TMEM165: variants seen among roughly 807,000 people sequenced by gnomAD.
TMEM165 encodes transmembrane protein 165.
TMEM165 carries 19 observed loss-of-function variants against 30.0 expected under a neutral mutation model. The observed-to-expected ratio is 0.63, with a 90% CI of 0.44 to 0.93. The LOEUF is 0.93. Ranked by LOEUF, TMEM165 falls within the 40% of genes least tolerant of loss-of-function variation. The pLI, the probability that TMEM165 is intolerant of heterozygous loss-of-function variation, is 0.00. For synonymous variants in TMEM165, 168 were observed against 162.9 expected, an observed-to-expected ratio of 1.03 and a Z score of -0.24; for missense variants, 340 against 417.0, an observed-to-expected ratio of 0.82 and a Z score of 1.61.
intron 1 of TMEM165, among the ~76,000 whole-genome samples, chr4:55,398,486 GTCTTACTC>G (rs2109514255): frequency 6.6e-6 from 1 of 152,334 alleles, no homozygotes; most frequent in South Asian, 2.1e-4. Flanking sequence ...CATTCATTGT[GTCTTACTC>G]TTTTGACTTA....
At chr4:55,411,116 CAG>C (rs1231850548) in intron 1 of TMEM165, among the ~76,000 whole-genome samples, 1 of 138,494 alleles carries the variant, frequency 7.2e-6, no homozygotes, top group Non-Finnish European at 1.5e-5. Context: ...GCCTGAGTGA[CAG>C]AGTGAGATTT....
chr4:55,428,640 T>G (rs548775205), downstream of TMEM165: 3 of 152,298 alleles, frequency 2.0e-5, no homozygotes, highest in East Asian at 5.8e-4. Flanking sequence ...TACATCTACT[T>G]TTTAATTTAA....
At chr4:55,409,212 G>T (rs1244053821) in intron 1 of TMEM165, among the ~76,000 whole-genome samples, 5 of 152,144 alleles carry the variant, frequency 3.3e-5, no homozygotes, top group Non-Finnish European at 7.3e-5. Context: ...CCAGTATTTA[G>T]CTCAGAGGTC....
In TMEM165 at chr4:55,396,117, G is replaced by GT. The variant is rs1332922361; in HGVS notation, c.-71dup. On this transcript the variant is annotated 5_prime_UTR_variant, in exon 1 of 6. Coordinates refer to ENST00000381334, the MANE Select transcript of TMEM165 (RefSeq NM_018475.5). ...GTCGTGAGGACGCGCCGCGGAGGCT[G>GT]TTCGGGGTCGAGGCTTCCCGTCGCC... 4.0e-6 allele frequency: 5 copies of GT among 1,250,634 alleles called. No individual in the cohort carries two copies. The Admixed American group carries it at 1.7e-4, about 43-fold the overall frequency. The allele number at this position is 1,250,634 out of a possible 1,614,324, so 77.5% of individuals were successfully genotyped here.
intron 1 of TMEM165, among the ~76,000 whole-genome samples, chr4:55,397,820 C>T (rs1171550624): frequency 6.6e-6 from 1 of 152,062 alleles, no homozygotes; most frequent in Non-Finnish European, 1.5e-5. Context: ...CGTCTTGGCT[C>T]ACTGCAACCT....
At chr4:55,442,422 T>A (rs763558900) in intron 3 of TMEM165, 3 of 1,604,160 alleles carry the variant, frequency 1.9e-6, no homozygotes, top group Non-Finnish European at 2.6e-6. Context: ...AAATGAAATA[T>A]GACAACTACC....
intron 3 of TMEM165, chr4:55,438,498 A>C (rs766045492): frequency 1.2e-6 from 2 of 1,613,800 alleles, no homozygotes; most frequent in South Asian, 2.2e-5. Flanking sequence ...CTACAGGAGC[A>C]GTCACTAATT....
intron 2 of TMEM165, 86 bp from the exon 3 acceptor site, chr4:55,416,986 G>C: frequency 8.2e-7 from 1 of 1,219,078 alleles, no homozygotes; most frequent in South Asian, 1.6e-5. Flanking sequence ...TCTTTTAACA[G>C]TGATAAATTA....
chr4:55,421,297 C>CTTTTTT (rs766025971), intron 4 of TMEM165, among the ~76,000 whole-genome samples: 26 of 105,864 alleles, frequency 2.5e-4, no homozygotes, highest in Non-Finnish European at 3.3e-4. Context: ...TTCTTTCTTT[C>CTTTTTT]TTTTTTTTTT....
At chr4:55,449,459 T>C (rs779984553) in intron 3 of TMEM165, 21 of 1,613,926 alleles carry the variant, frequency 1.3e-5, no homozygotes, top group African/African-American at 2.7e-5. Flanking sequence ...GCTGCCTGGG[T>C]GGAGTGCTCG....
chr4:55,430,539 C>T (rs1411843955), downstream of TMEM165: 4 of 152,186 alleles, frequency 2.6e-5, no homozygotes, highest in African/African-American at 9.7e-5. Flanking sequence ...AGTGTTTCCA[C>T]AGGAGACATT....
intron 3 of TMEM165, among the ~76,000 whole-genome samples, chr4:55,448,185 A>T (rs1043324048): frequency 2.6e-5 from 4 of 152,214 alleles, no homozygotes; most frequent in Admixed American, 6.5e-5. Flanking sequence ...CATTCCCTCT[A>T]GATGTAATGG....
At chr4:55,398,907 T>C (rs998251288) in intron 1 of TMEM165, 1 of 150,490 alleles carries the variant, frequency 6.6e-6, no homozygotes, top group African/African-American at 2.4e-5. Flanking sequence ...CGATTTTTAA[T>C]AGTGTCTATC....
At chr4:55,400,178 A>G (rs1720894163) in intron 1 of TMEM165, among the ~76,000 whole-genome samples, 1 of 123,944 alleles carries the variant, frequency 8.1e-6, no homozygotes, top group Non-Finnish European at 1.6e-5. Context: ...TATAATATAT[A>G]TAAAAAATAA....
chr4:55,414,416 CTTTA>C (rs1482340937), intron 2 of TMEM165, among the ~76,000 whole-genome samples: 2 of 151,964 alleles, frequency 1.3e-5, no homozygotes, highest in Admixed American at 6.6e-5. Context: ...TCTTTTATAG[CTTTA>C]TTTAGTTTTA....
chr4:55,396,118 T>C lies in TMEM165; in HGVS notation c.-72T>C, dbSNP rs1720708303. The C allele has an allele frequency of 4.0e-6, 5 of 1,249,264 alleles. No homozygotes were observed. The South Asian group carries it at 1.2e-4, about 31-fold the overall frequency. The allele number at this position is 1,249,264 out of a possible 1,614,324, so 77.4% of individuals were successfully genotyped here. On this transcript the variant is annotated 5_prime_UTR_variant, in exon 1 of 6. Transcript: ENST00000381334. Reference sequence around the variant, plus strand: ...TCGTGAGGACGCGCCGCGGAGGCTGTTCGGGGTCGAGGCTTCCCGTCGCCG... The same window carrying C: ...TCGTGAGGACGCGCCGCGGAGGCTGCTCGGGGTCGAGGCTTCCCGTCGCCG...
chr4:55,412,968 TTTA>T (rs1397281212), intron 2 of TMEM165, among the ~76,000 whole-genome samples: 4 of 151,678 alleles, frequency 2.6e-5, no homozygotes, highest in Non-Finnish European at 5.9e-5. Flanking sequence ...AGGGCTATTT[TTTA>T]TTTATTTATT....
intron 1 of TMEM165, chr4:55,403,412 T>TTC: frequency 2.9e-6 from 2 of 688,938 alleles, no homozygotes; most frequent in Non-Finnish European, 3.8e-6. Flanking sequence ...AATTACTTTT[T>TTC]TCTTTGATTT....
chr4:55,429,652 T>C (rs903997650), downstream of TMEM165: 4 of 152,174 alleles, frequency 2.6e-5, no homozygotes, highest in African/African-American at 9.7e-5. Flanking sequence ...TTACTAACAT[T>C]TCCCCAAATG....
Sources: allele counts gnomAD v4.1 joint callset (sites outside exome capture counted in the v4.1 genomes callset), GRCh38; gene constraint gnomAD v4.1.1; transcripts MANE v1.5; gene names NCBI Gene and HGNC (gene_info 2026-07-23, HGNC 2026-07-21).